The following PCDHA1 variants were observed in gnomAD, a reference collection of about 807,000 sequenced individuals.
The protein encoded by PCDHA1 is protocadherin alpha-1.
PCDHA1 carries 42 observed loss-of-function variants against 61.3 expected under a neutral mutation model. The ratio of observed to expected loss-of-function variants is 0.69; its 90% CI spans 0.54 to 0.89. The LOEUF (loss-of-function observed/expected upper bound fraction) is 0.89. Among genes scored for constraint, PCDHA1 ranks in the 40% least tolerant of loss-of-function variants. The pLI, the probability that PCDHA1 is intolerant of heterozygous loss-of-function variation, is 0.00. For synonymous variants in PCDHA1, 610 were observed against 553.8 expected, an observed-to-expected ratio of 1.10 and a Z score of -1.43; for missense variants, 1,256 against 1,235.3, an observed-to-expected ratio of 1.02 and a Z score of -0.25.
chr5:140,967,793 G>A (rs1447753881), intron 1 of PCDHA1: 24 of 1,614,080 alleles, frequency 1.5e-5, no homozygotes, highest in Non-Finnish European at 1.9e-5. Flanking sequence ...CCGGGGTCCA[G>A]TGCCCATGGC....
At chr5:140,889,156 G>T in intron 1 of PCDHA1, among the ~76,000 whole-genome samples, 1 of 150,034 alleles carries the variant, frequency 6.7e-6, no homozygotes, top group Admixed American at 6.6e-5. Flanking sequence ...TTTCTTCTTT[G>T]TTAAGTATTC....
At chr5:140,842,605 G>T (rs1198033528) in intron 1 of PCDHA1, 2 of 1,550,578 alleles carry the variant, frequency 1.3e-6, no homozygotes, top group African/African-American at 2.9e-5. Context: ...TAACCGCGCG[G>T]GACGGGGGCT....
chr5:140,796,795 C>A (rs185043234), intron 1 of PCDHA1: 1 of 1,614,154 alleles, frequency 6.2e-7, no homozygotes, highest in African/African-American at 1.3e-5. Context: ...TTCGTACGAG[C>A]TTCAGCTGGG....
At chr5:140,989,657 A>G (rs1045043697) in intron 3 of PCDHA1, among the ~76,000 whole-genome samples, 7 of 152,228 alleles carry the variant, frequency 4.6e-5, no homozygotes, top group African/African-American at 1.7e-4. Flanking sequence ...CAATATTTTA[A>G]AAGAAACTCT....
At chr5:140,870,285 C>G (rs1315531348) in intron 1 of PCDHA1, 1 of 1,614,108 alleles carries the variant, frequency 6.2e-7, no homozygotes, top group Non-Finnish European at 8.5e-7. Flanking sequence ...ACGTTCCCTT[C>G]AAGCTGGTGT....
At chr5:140,806,254 A>G (rs1424134270) in intron 1 of PCDHA1, among the ~76,000 whole-genome samples, 1 of 152,206 alleles carries the variant, frequency 6.6e-6, no homozygotes, top group Non-Finnish European at 1.5e-5. Context: ...AAGCTATTGG[A>G]AGCAGGAAAT....
chr5:140,968,869 C>T, intron 1 of PCDHA1: 1 of 1,614,210 alleles, frequency 6.2e-7, no homozygotes, highest in Non-Finnish European at 8.5e-7. Flanking sequence ...CTCGGACATA[C>T]TCTGAAATTA....
At chr5:140,866,463 T>C (rs1372484700) in intron 1 of PCDHA1, 1 of 152,128 alleles carries the variant, frequency 6.6e-6, no homozygotes, top group Non-Finnish European at 1.5e-5. Flanking sequence ...GCTGGGAAGC[T>C]CATAACAACT....
At chr5:140,871,697 A>G (rs2053267729) in intron 1 of PCDHA1, 3 of 935,180 alleles carry the variant, frequency 3.2e-6, no homozygotes, top group Non-Finnish European at 3.1e-6. Flanking sequence ...GGCTTCTTTA[A>G]CCAATAAATG....
chr5:140,795,859 T>C (rs1554119595), intron 1 of PCDHA1: 2 of 1,613,866 alleles, frequency 1.2e-6, no homozygotes, highest in African/African-American at 2.7e-5. Flanking sequence ...AGATCCCATC[T>C]CAGGGGAAAT....
At chr5:140,972,917 C>T (rs1279060017) in intron 1 of PCDHA1, among the ~76,000 whole-genome samples, 1 of 152,074 alleles carries the variant, frequency 6.6e-6, no homozygotes, top group Non-Finnish European at 1.5e-5. Context: ...CCGCCTTGGC[C>T]TCCCAAAGTG....
At position 140,850,808 on chromosome 5, in the gene PCDHA1, C is replaced by T. The variant is rs2150499098; in HGVS notation, c.2394+62124C>T. 20 of 1,598,280 alleles carry T rather than the reference C, an allele frequency of 1.3e-5. No homozygotes were observed. The South Asian group carries it at 2.2e-4, about 18-fold the overall frequency. On this transcript the variant is annotated intron_variant, in intron 1 of 3. Transcript: ENST00000504120. The stretch of plus-strand genomic sequence containing the variant: ...GTAAGCAGAAGACCGACCTCATGGC[C>T]TTCAGCCCGGGCCTTTCTCCTTGTG...
At chr5:140,868,451 C>T (rs917526467) in intron 1 of PCDHA1, 1 of 152,302 alleles carries the variant, frequency 6.6e-6, no homozygotes, top group African/African-American at 2.4e-5. Flanking sequence ...AACATAAACA[C>T]TAAAGAGCTG....
At chr5:140,882,601 C>G (rs1322989069) in intron 1 of PCDHA1, 1 of 1,614,144 alleles carries the variant, frequency 6.2e-7, no homozygotes, top group Admixed American at 1.7e-5. Flanking sequence ...TGATCGTGGA[C>G]AGGCCTCTGC....
intron 1 of PCDHA1, among the ~76,000 whole-genome samples, chr5:140,897,816 G>C (rs1305259522): frequency 1.1e-4 from 16 of 152,078 alleles, no homozygotes; most frequent in Non-Finnish European, 1.9e-4. Flanking sequence ...CAGTGTAAAA[G>C]TGTTCCTATT....
chr5:140,966,501 C>A (rs993120522), intron 1 of PCDHA1: 8 of 436,558 alleles, frequency 1.8e-5, no homozygotes, highest in Admixed American at 8.7e-5. Flanking sequence ...GGAGCTGTAG[C>A]GGCAGCAGCA....
chr5:140,833,496 A>T (rs1266774652), intron 1 of PCDHA1, among the ~76,000 whole-genome samples: 1 of 152,230 alleles, frequency 6.6e-6, no homozygotes. Context: ...CATATTTGAG[A>T]TTGTAAAAAT....
intron 1 of PCDHA1, chr5:140,824,010 G>A (rs1554129688): frequency 1.2e-6 from 2 of 1,614,148 alleles, no homozygotes; most frequent in Middle Eastern, 1.6e-4. Context: ...GCGCGGTGGG[G>A]AGCTGGTCGT....
Position 140,787,871 on chromosome 5 carries a change from G to A in PCDHA1, c.1581G>A (p.Glu527=), listed in dbSNP as rs781868765. The A allele has an allele frequency of 4.3e-6, 7 of 1,613,074 alleles. No individual in the cohort carries two copies. The highest frequency in any genetic ancestry group is 4.0e-5 in the African/African-American group (3 of 74,894). Residue 527 remains glutamate, a synonymous_variant, in exon 1 of 4, where the codon GAG becomes GAA. Transcript: ENST00000504120. The stretch of plus-strand genomic sequence containing the variant: ...CACTGCAGCCCCTGGACCACGAGGA[G>A]CTGGAGCTGCTGCAGTTCCAGGTGA... ...VYALQPLDHE[E]LELLQFQVSA...
Sources: gnomAD v4.1 joint callset for allele counts (sites outside exome capture counted in the v4.1 genomes callset) on GRCh38, gnomAD v4.1.1 for gene constraint, MANE v1.5 for transcripts, NCBI Gene and HGNC (gene_info 2026-07-23, HGNC 2026-07-21) for gene names.